Variants in CTNNA3 observed in about 807,000 individuals in gnomAD.
The protein encoded by CTNNA3 is catenin alpha 3, also known as catenin alpha-3.
CTNNA3 carries 76 observed loss-of-function variants against 95.7 expected under a neutral mutation model. The observed-to-expected ratio is 0.79, with a 90% confidence interval of 0.66 to 0.96. The LOEUF (loss-of-function observed/expected upper bound fraction) is 0.96, where lower values mean the gene tolerates loss of function less well. Ranked by LOEUF, CTNNA3 falls within the 40% of genes least tolerant of loss-of-function variation. The pLI is 0.00. For missense variants in CTNNA3, 1,191 were observed against 1,089.8 expected (o/e 1.09, Z -1.31); for synonymous variants, 431 against 374.4 (o/e 1.15, Z -1.74).
chr10:67,208,263 T>G (rs1420694206), intron 6 of CTNNA3, among the ~76,000 whole-genome samples: 1 of 150,970 alleles, frequency 6.6e-6, no homozygotes, highest in African/African-American at 2.4e-5. Flanking sequence ...GCCTGTAATC[T>G]CAGCTACTCG....
chr10:66,992,396 TTCC>T (rs138175522), intron 7 of CTNNA3, among the ~76,000 whole-genome samples: 2 of 151,920 alleles, frequency 1.3e-5, no homozygotes, highest in Non-Finnish European at 1.5e-5. Context: ...CCTATTATTC[TTCC>T]TCCTCCTCCT....
intron 12 of CTNNA3, among the ~76,000 whole-genome samples, chr10:66,286,177 A>C (rs1202680216): frequency 1.3e-5 from 2 of 152,076 alleles, no homozygotes; most frequent in African/African-American, 4.8e-5. Flanking sequence ...AACATCAACA[A>C]TATCCTAAGT....
At position 66,074,134 on chromosome 10, in the gene CTNNA3, A is replaced by C. The variant is rs1301384141; in HGVS notation, c.1978-4645T>G. On this transcript the variant is annotated intron_variant, in intron 14 of 17. Coordinates refer to ENST00000433211, the MANE Select transcript of CTNNA3 (RefSeq NM_013266.4). Reference sequence around the variant, plus strand: ...TTGTGTCTGGCTTTTTGTATTCAGCACTTAAGTGCTTGAAATGCATCTATT... The same window carrying C: ...TTGTGTCTGGCTTTTTGTATTCAGCCCTTAAGTGCTTGAAATGCATCTATT... Among the ~76,000 whole-genome samples the C allele has an allele frequency of 2.6e-5, 4 of 151,862 alleles. No homozygotes were observed. In the East Asian group the frequency reaches 7.7e-4, roughly 29 times the overall value.
At chr10:67,745,368 T>C (rs768538866) in intron 1 of CTNNA3, among the ~76,000 whole-genome samples, 26 of 152,062 alleles carry the variant, frequency 1.7e-4, no homozygotes, top group Non-Finnish European at 3.5e-4. Flanking sequence ...AGTGACATGG[T>C]TGAAGCTGGA....
chr10:66,964,307 G>A (rs1393239846), intron 7 of CTNNA3, among the ~76,000 whole-genome samples: 1 of 149,794 alleles, frequency 6.7e-6, no homozygotes, highest in East Asian at 2.0e-4. Flanking sequence ...TTTCAATCTA[G>A]ATGTTTACAT....
chr10:66,469,326 G>A (rs1387720644), intron 11 of CTNNA3, among the ~76,000 whole-genome samples: 2 of 151,900 alleles, frequency 1.3e-5, no homozygotes, highest in African/African-American at 4.8e-5. Flanking sequence ...AAGTTGTAAG[G>A]TGGGAGAAGA....
chr10:66,288,813 A>G lies in CTNNA3; in HGVS notation c.1733-8192T>C, dbSNP rs961370369. Among the ~76,000 whole-genome samples, 6 of 152,074 alleles carry G rather than the reference A, an allele frequency of 3.9e-5. No homozygotes were observed. The East Asian group carries it at 7.7e-4, about 20-fold the overall frequency. ...TTGATTCTGTGTATATCTCACTACT[A>G]TGAGTTAAAAAACCCTAAAGAAACC... On this transcript the variant is annotated intron_variant, in intron 12 of 17. Transcript: ENST00000433211.
chr10:66,130,766 G>A (rs1190028430), intron 13 of CTNNA3, among the ~76,000 whole-genome samples: 1 of 151,440 alleles, frequency 6.6e-6, no homozygotes, highest in African/African-American at 2.4e-5. Context: ...TGAGGCAGGA[G>A]TATTGCTTGA....
intron 5 of CTNNA3, among the ~76,000 whole-genome samples, chr10:67,288,199 C>A (rs1218647108): frequency 6.6e-6 from 1 of 152,050 alleles, no homozygotes; most frequent in Non-Finnish European, 1.5e-5. Flanking sequence ...ACAGATTTCT[C>A]CTGTAGGACA....
In CTNNA3 at chr10:66,802,160, A is replaced by G. The variant is rs971077867; in HGVS notation, c.1048-26636T>C. ...CTTGAAGAAAACATAACATGTTTAC[A>G]GTATTGGAGAGGGCAAAGATTTTTT... On this transcript the variant is annotated intron_variant, in intron 7 of 17. Coordinates refer to ENST00000433211, the MANE Select transcript of CTNNA3 (RefSeq NM_013266.4). Among the ~76,000 whole-genome samples the G allele has an allele frequency of 4.0e-5, 6 of 151,818 alleles. No individual in the cohort carries two copies. In the East Asian group the frequency reaches 5.8e-4, roughly 15 times the overall value.
chr10:66,116,161 T>C (rs951559282), intron 13 of CTNNA3, among the ~76,000 whole-genome samples: 36 of 152,190 alleles, frequency 2.4e-4, no homozygotes, highest in African/African-American at 8.7e-4. Context: ...GAATACATCA[T>C]TGTATAAGAT....
intron 7 of CTNNA3, among the ~76,000 whole-genome samples, chr10:67,104,342 G>A (rs1858504780): frequency 6.6e-6 from 1 of 151,694 alleles, no homozygotes; most frequent in African/African-American, 2.4e-5. Context: ...CAGATGATAT[G>A]GGATCTGGAA....
intron 7 of CTNNA3, among the ~76,000 whole-genome samples, chr10:67,062,504 T>C (rs1301390514): frequency 6.6e-6 from 1 of 152,172 alleles, no homozygotes; most frequent in East Asian, 1.9e-4. Flanking sequence ...AGCCATTCTT[T>C]TTGGTTGAAA....
At chr10:66,977,347 G>T (rs1386423189) in intron 7 of CTNNA3, among the ~76,000 whole-genome samples, 1 of 151,692 alleles carries the variant, frequency 6.6e-6, no homozygotes, top group East Asian at 1.9e-4. Context: ...GAGGCAGGAG[G>T]ATTGCTTGAA....
intron 13 of CTNNA3, among the ~76,000 whole-genome samples, chr10:66,135,903 ATTT>A (rs199981098): frequency 4.2e-5 from 6 of 143,486 alleles, no homozygotes; most frequent in Non-Finnish European, 6.1e-5. Context: ...ATGTAACACA[ATTT>A]TTTTTTTTTT....
chr10:66,278,759 C>G (rs1388278546), intron 13 of CTNNA3, among the ~76,000 whole-genome samples: 9 of 152,024 alleles, frequency 5.9e-5, no homozygotes, highest in African/African-American at 1.9e-4. Flanking sequence ...TTTATATTCT[C>G]AAATATCCAC....
intron 5 of CTNNA3, among the ~76,000 whole-genome samples, chr10:67,269,444 A>G (rs1838865244): frequency 4.6e-5 from 7 of 152,128 alleles, no homozygotes; most frequent in Admixed American, 4.6e-4. Flanking sequence ...GTGCTTCAAT[A>G]TTTTGTGAAC....
At chr10:67,583,380 A>G (rs1419139541) in intron 3 of CTNNA3, among the ~76,000 whole-genome samples, 1 of 152,210 alleles carries the variant, frequency 6.6e-6, no homozygotes, top group African/African-American at 2.4e-5. Flanking sequence ...AATGTTGAAT[A>G]TTGGTCCCCA....
intron 1 of CTNNA3, among the ~76,000 whole-genome samples, chr10:67,657,055 C>G (rs1840045184): frequency 6.6e-6 from 1 of 152,088 alleles, no homozygotes; most frequent in African/African-American, 2.4e-5. Flanking sequence ...TTGGTGGTAG[C>G]AGAAGTGGAC....
Sources: gnomAD v4.1 joint callset for allele counts (sites outside exome capture counted in the v4.1 genomes callset) on GRCh38, gnomAD v4.1.1 for gene constraint, MANE v1.5 for transcripts, NCBI Gene and HGNC (gene_info 2026-07-23, HGNC 2026-07-21) for gene names.